ADGRG4: variants seen among roughly 807,000 people sequenced by gnomAD.
ADGRG4 encodes G protein-coupled receptor 112.
ADGRG4 carries 122 observed loss-of-function variants against 126.2 expected under a neutral mutation model. The observed-to-expected ratio is 0.97, with a 90% confidence interval of 0.83 to 1.12. The LOEUF (loss-of-function observed/expected upper bound fraction) is 1.12. Ranked by LOEUF, ADGRG4 falls within the 50% of genes most tolerant of loss-of-function variation. ADGRG4 has a pLI of 0.00. For synonymous variants in ADGRG4, 943 were observed against 838.7 expected (o/e 1.12, Z -2.15); for missense variants, 2,481 against 2,251.8 (o/e 1.10, Z -2.06).
chrX:136,343,136 C>T (rs888627035), intron 5 of ADGRG4, among the ~76,000 whole-genome samples: 8 of 109,076 alleles, frequency 7.3e-5, no homozygotes, highest in Admixed American at 3.0e-4. Context: ...TTAGGAGCTA[C>T]GATCAATAGG....
At chrX:136,321,726 T>C (rs2074840632) in intron 4 of ADGRG4, among the ~76,000 whole-genome samples, 1 of 112,028 alleles carries the variant, frequency 8.9e-6, no homozygotes, top group African/African-American at 3.2e-5. Flanking sequence ...CAGCTTCTTG[T>C]GAAACAAAGG....
rs186866087 is a variant in ADGRG4 at position 136,401,217 on chromosome X, A to C, written c.8575+1101A>C. Among the ~76,000 whole-genome samples, 3 of 112,023 alleles carry C rather than the reference A, an allele frequency of 2.7e-5. No homozygotes were observed. The East Asian group carries it at 8.4e-4, about 31-fold the overall frequency. The stretch of plus-strand genomic sequence containing the variant: ...CCATCGGAAGCACAGAGACAAAAGC[A>C]GTCGATACACTCCCCTTAGTGCCTT... On this transcript the variant is annotated intron_variant, in intron 21 of 25. Transcript: ENST00000394143.
chrX:136,377,634 T>C (rs2075235735), intron 15 of ADGRG4, among the ~76,000 whole-genome samples: 1 of 111,933 alleles, frequency 8.9e-6, no homozygotes, highest in African/African-American at 3.2e-5. Flanking sequence ...AGCTTTATGA[T>C]TTTAGCTTTT....
intron 5 of ADGRG4, among the ~76,000 whole-genome samples, chrX:136,343,118 A>C (rs1164305498): frequency 1.8e-5 from 2 of 109,950 alleles, no homozygotes; most frequent in African/African-American, 6.6e-5. Flanking sequence ...GGGTGAGCCA[A>C]GAGATATTTA....
chrX:136,333,475 G>A (rs1361348028), intron 5 of ADGRG4, among the ~76,000 whole-genome samples: 2 of 110,695 alleles, frequency 1.8e-5, no homozygotes, highest in African/African-American at 6.6e-5. Context: ...TTTCCTTCTA[G>A]TCTGTAGATT....
intron 4 of ADGRG4, among the ~76,000 whole-genome samples, chrX:136,311,906 G>A (rs1413041062): frequency 9.0e-6 from 1 of 110,708 alleles, no homozygotes; most frequent in East Asian, 2.8e-4. Context: ...TGTGTTGCCC[G>A]GACTGGTCTT....
chrX:136,368,415 A>G (rs2075172613), intron 13 of ADGRG4, among the ~76,000 whole-genome samples: 1 of 111,839 alleles, frequency 8.9e-6, no homozygotes, highest in African/African-American at 3.2e-5. Context: ...AGAATTAGGG[A>G]GAAGCGGCTT....
rs888955938 is a variant in ADGRG4, at chrX:136,349,163, A to G, written c.5457A>G (p.Ser1819=). ...NYATSLNTPV[S]YPPWTPSSAT... ...CCACATCTTTGAATACCCCTGTTTC[A>G]TACCCTCCATGGACCCCATCCAGTG... Residue 1819 remains serine, a synonymous_variant, in exon 6 of 26, where the codon TCA becomes TCG. Coordinates refer to ENST00000394143, the MANE Select transcript of ADGRG4 (RefSeq NM_153834.4). The G allele has an allele frequency of 1.7e-6, 2 of 1,201,214 alleles. No homozygotes were observed. The highest frequency in any genetic ancestry group is 1.1e-6 in the Non-Finnish European group (1 of 886,427).
Position 136,344,956 on chromosome X carries a change from G to C in ADGRG4, c.1250G>C (p.Cys417Ser). 1.7e-6 allele frequency: 2 copies of C among 1,210,247 alleles called. No homozygotes were observed. The highest frequency in any genetic ancestry group is 3.5e-5 in the South Asian group (2 of 56,854). Reference protein sequence around the residue: ...IESTSMSTTPCLKQKSTNTGA... With the variant: ...IESTSMSTTPSLKQKSTNTGA... The stretch of plus-strand genomic sequence containing the variant: ...TCAACATCTATGTCTACAACACCTT[G>C]TCTCAAACAAAAATCCACAAATACT... The change falls in exon 6 of 26, where the codon TGT becomes TCT. Residue 417 changes from cysteine (C) to serine (S), a missense_variant. Physicochemically the swap from Cys to Ser is moderately radical, Grantham distance 112. Coordinates refer to ENST00000394143, the MANE Select transcript of ADGRG4 (RefSeq NM_153834.4).
At chrX:136,408,170 A>G (rs1033212896) in intron 23 of ADGRG4, among the ~76,000 whole-genome samples, 2 of 112,125 alleles carry the variant, frequency 1.8e-5, no homozygotes, top group African/African-American at 6.5e-5. Flanking sequence ...CATCTAAGGA[A>G]GGAGCCTGCA....
intron 5 of ADGRG4, among the ~76,000 whole-genome samples, chrX:136,334,973 G>C (rs754388556): frequency 1.8e-5 from 2 of 111,303 alleles, no homozygotes; most frequent in East Asian, 5.6e-4. Context: ...CCTGATCTTA[G>C]CTGGAAAACA....
rs767199855 is a variant in ADGRG4, at chrX:136,414,347, T to C, written c.9205+20T>C. 3 of 1,133,899 alleles carry C rather than the reference T, an allele frequency of 2.6e-6. No homozygotes were observed. The highest frequency in any genetic ancestry group is 1.2e-6 in the Non-Finnish European group (1 of 837,708). The allele number at this position is 1,133,899 out of a possible 1,213,427, so 93.4% of individuals were successfully genotyped here. On this transcript the variant is annotated intron_variant, in intron 25 of 25. Transcript: ENST00000394143. ...CAAATGGTAAGAAAAAAAGGCTGTG[T>C]TGTCTACATTTATATTCCAGAGATA... is the stretch of plus-strand genomic sequence containing the variant.
At chrX:136,387,395 T>C in intron 15 of ADGRG4, among the ~76,000 whole-genome samples, 1 of 112,447 alleles carries the variant, frequency 8.9e-6, no homozygotes, top group Middle Eastern at 4.6e-3. Flanking sequence ...GTTCCAAGAC[T>C]GGTCTTTATT....
intron 13 of ADGRG4, among the ~76,000 whole-genome samples, chrX:136,370,396 G>A (rs186719390): frequency 2.7e-5 from 3 of 111,923 alleles, no homozygotes; most frequent in Non-Finnish European, 3.8e-5. Context: ...TGCTGTATTC[G>A]TTTAACAAAG....
chrX:136,350,960 G>A (rs756019483), intron 6 of ADGRG4, among the ~76,000 whole-genome samples: 18 of 111,630 alleles, frequency 1.6e-4, no homozygotes, highest in African/African-American at 5.5e-4. Flanking sequence ...CTTCCATATT[G>A]TTCAAATTTG....
At chrX:136,372,240 G>A (rs1427918005) in intron 14 of ADGRG4, among the ~76,000 whole-genome samples, 1 of 111,470 alleles carries the variant, frequency 9.0e-6, no homozygotes, top group East Asian at 2.8e-4. Context: ...CTAACTCACA[G>A]CCAATTAATA....
intron 14 of ADGRG4, 121 bp from the exon 15 acceptor site, chrX:136,372,781 A>G (rs1475973637): frequency 3.0e-6 from 2 of 656,537 alleles, no homozygotes; most frequent in African/African-American, 4.3e-5. Context: ...ATAATTCCTA[A>G]ATGATATAAA....
At chrX:136,350,461 G>T (rs1569325345) in intron 6 of ADGRG4, 28 bp downstream of exon 6, 3 of 1,169,587 alleles carry the variant, frequency 2.6e-6, no homozygotes. Context: ...ATGTGGTGTA[G>T]CCCCAACAGA....
At chrX:136,366,521 T>A (rs1323322437) in intron 13 of ADGRG4, among the ~76,000 whole-genome samples, 1 of 112,365 alleles carries the variant, frequency 8.9e-6, no homozygotes, top group Non-Finnish European at 1.9e-5. Flanking sequence ...TTTGTATAGA[T>A]GTTAAGTGTT....
Sources: allele counts gnomAD v4.1 joint callset (sites outside exome capture counted in the v4.1 genomes callset), GRCh38; gene constraint gnomAD v4.1.1; transcripts MANE v1.5; gene names NCBI Gene and HGNC (gene_info 2026-07-23, HGNC 2026-07-21).